UNC13C: variants seen among roughly 807,000 people sequenced by gnomAD.
UNC13C encodes the protein protein unc-13 homolog C.
UNC13C carries 174 observed loss-of-function variants against 245.4 expected under a neutral mutation model. The ratio of observed to expected loss-of-function variants is 0.71; its 90% CI spans 0.63 to 0.80. The LOEUF (loss-of-function observed/expected upper bound fraction) is 0.80, where lower values mean the gene tolerates loss of function less well. UNC13C is among the 30% of genes least tolerant of loss of function. UNC13C has a pLI of 0.00. For missense variants in UNC13C, 2,829 were observed against 2,602.9 expected (o/e 1.09, Z -1.89); for synonymous variants, 992 against 895.1 (o/e 1.11, Z -1.93).
At chr15:54,520,427 A>G (rs1008467297) in intron 24 of UNC13C, among the ~76,000 whole-genome samples, 1 of 152,126 alleles carries the variant, frequency 6.6e-6, no homozygotes, top group Non-Finnish European at 1.5e-5. Flanking sequence ...ATCAAAGTGG[A>G]AGTTTACTAG....
At chr15:54,588,945 G>T (rs1240704690) in intron 30 of UNC13C, among the ~76,000 whole-genome samples, 1 of 152,148 alleles carries the variant, frequency 6.6e-6, no homozygotes, top group Non-Finnish European at 1.5e-5. Context: ...CTATAAACAT[G>T]CATGTGCAAG....
chr15:54,456,572 T>G (rs1171640007), intron 19 of UNC13C, among the ~76,000 whole-genome samples: 1 of 150,692 alleles, frequency 6.6e-6, no homozygotes, highest in Non-Finnish European at 1.5e-5. Flanking sequence ...CCTCTTTTGT[T>G]AGGTTTACTC....
intron 19 of UNC13C, among the ~76,000 whole-genome samples, chr15:54,440,214 C>G (rs889840970): frequency 6.6e-6 from 1 of 152,028 alleles, no homozygotes; most frequent in Non-Finnish European, 1.5e-5. Context: ...GGTGCTCCCC[C>G]TTCACCCTCC....
At chr15:54,377,652 A>G (rs1423836403) in intron 17 of UNC13C, among the ~76,000 whole-genome samples, 1 of 152,210 alleles carries the variant, frequency 6.6e-6, no homozygotes, top group Non-Finnish European at 1.5e-5. Flanking sequence ...TGAAGGTGCT[A>G]GCAGATTTGG....
intron 2 of UNC13C, among the ~76,000 whole-genome samples, chr15:54,119,772 T>C (rs2030537757): frequency 1.3e-5 from 2 of 152,124 alleles, no homozygotes. Context: ...AATACACAAA[T>C]GATAAAAAAG....
At chr15:54,577,614 C>A (rs1193827566) in intron 30 of UNC13C, among the ~76,000 whole-genome samples, 1 of 152,140 alleles carries the variant, frequency 6.6e-6, no homozygotes, top group African/African-American at 2.4e-5. Context: ...TGGCTCTGTC[C>A]TTTGACTGTA....
chr15:53,918,156 C>A, the UNC13C span, among the ~76,000 whole-genome samples: 1,969 of 152,208 alleles, frequency 0.013, 43 homozygotes, highest in African/African-American at 0.045. Flanking sequence ...CACTTTCAAC[C>A]CTTTCTTCCC....
At chr15:54,367,054 T>A (rs1389606181) in intron 17 of UNC13C, among the ~76,000 whole-genome samples, 1 of 152,158 alleles carries the variant, frequency 6.6e-6, no homozygotes, top group Non-Finnish European at 1.5e-5. Context: ...ATGCATAAGA[T>A]CAGGCAGATT....
In UNC13C at chr15:54,626,954, G is replaced by T. The variant is rs1313078256; in HGVS notation, c.6486G>T (p.Lys2162Asn). ...TTCAGCTACAGAACATAGCAGAAAA[G>T]GGAAGCTATGGGGCATGGTATCCTC... ...TVIQLQNIAEKGSYGAWYPLL... is the reference protein window; with the variant it reads ...TVIQLQNIAENGSYGAWYPLL... The change falls in exon 33 of 33, where the codon AAG becomes AAT. Residue 2162 changes from lysine (K) to asparagine (N), a missense_variant. Transcript: ENST00000260323. 1 of 1,613,496 alleles carries T rather than the reference G, an allele frequency of 6.2e-7. No homozygotes were observed. The highest frequency in any genetic ancestry group is 1.1e-5 in the South Asian group (1 of 91,074).
chr15:54,427,156 G>C (rs2040775382), intron 19 of UNC13C, among the ~76,000 whole-genome samples: 1 of 151,716 alleles, frequency 6.6e-6, no homozygotes, highest in Non-Finnish European at 1.5e-5. Context: ...ATATGATATG[G>C]TTTGGCTGTG....
chr15:54,020,874 A>C (rs1022390572), intron 2 of UNC13C, among the ~76,000 whole-genome samples: 1 of 152,006 alleles, frequency 6.6e-6, no homozygotes, highest in Non-Finnish European at 1.5e-5. Context: ...GTTTTTGGTA[A>C]ATCTTCCTTC....
intron 19 of UNC13C, among the ~76,000 whole-genome samples, chr15:54,462,752 G>A (rs954682829): frequency 1.5e-4 from 23 of 152,202 alleles, no homozygotes; most frequent in Non-Finnish European, 3.2e-4. Flanking sequence ...GGGCTCCCGC[G>A]CAGCCCGAGG....
intron 1 of UNC13C, among the ~76,000 whole-genome samples, chr15:54,009,806 G>A (rs969707949): frequency 2.0e-5 from 3 of 152,040 alleles, no homozygotes; most frequent in African/African-American, 7.2e-5. Flanking sequence ...GGCCTCCCAA[G>A]GAAGTAACTT....
intron 17 of UNC13C, among the ~76,000 whole-genome samples, chr15:54,388,555 A>C (rs557773631): frequency 2.4e-4 from 36 of 152,244 alleles, no homozygotes; most frequent in Non-Finnish European, 4.3e-4. Context: ...CTCACCACCA[A>C]CAAGGCTTAT....
intron 17 of UNC13C, among the ~76,000 whole-genome samples, chr15:54,342,353 G>C (rs2038753963): frequency 1.3e-5 from 2 of 151,958 alleles, no homozygotes. Flanking sequence ...TTTTACAAAT[G>C]TAGTCTAGCT....
the UNC13C span, among the ~76,000 whole-genome samples, chr15:53,957,135 TTTTG>T: frequency 0.079 from 9,637 of 121,816 alleles, 634 homozygotes; most frequent in African/African-American, 0.2. Flanking sequence ...GAATGTTCTT[TTTTG>T]TTTGTTTGTT....
chr15:54,330,516 G>A (rs1442214061), intron 14 of UNC13C, among the ~76,000 whole-genome samples: 2 of 152,034 alleles, frequency 1.3e-5, no homozygotes, highest in Non-Finnish European at 2.9e-5. Context: ...CAGTATGGTT[G>A]ATCAGTCACT....
chr15:54,626,476 T>A (rs959221709), intron 32 of UNC13C, among the ~76,000 whole-genome samples: 4 of 151,244 alleles, frequency 2.6e-5, no homozygotes, highest in African/African-American at 9.7e-5. Context: ...GAGTAGTAAC[T>A]GATATTGAAA....
intron 18 of UNC13C, 133 bp from the exon 19 acceptor site, chr15:54,414,849 A>G (rs1225995222): frequency 1.9e-6 from 1 of 523,438 alleles, no homozygotes; most frequent in East Asian, 3.2e-5. Context: ...GAAAGTTCAT[A>G]AAGAGAAATG....
Sources: gnomAD v4.1 joint callset for allele counts (sites outside exome capture counted in the v4.1 genomes callset) on GRCh38, gnomAD v4.1.1 for gene constraint, MANE v1.5 for transcripts, NCBI Gene and HGNC (gene_info 2026-07-23, HGNC 2026-07-21) for gene names.